ANGEL2: variants seen among roughly 807,000 people sequenced by gnomAD.
ANGEL2 encodes the protein RNA 2',3'-cyclic phosphatase ANGEL2.
ANGEL2 carries 41 observed loss-of-function variants against 66.0 expected under a neutral mutation model. That is an observed-to-expected ratio of 0.62 (90% CI 0.48 to 0.81). The LOEUF is 0.81. ANGEL2 is among the 30% of genes least tolerant of loss of function. The pLI, the probability that ANGEL2 is intolerant of heterozygous loss-of-function variation, is 0.00. For synonymous variants in ANGEL2, 208 were observed against 226.5 expected (o/e 0.92, Z 0.73); for missense variants, 561 against 641.6 (o/e 0.87, Z 1.36).
intron 1 of ANGEL2, chr1:213,015,357 C>A: frequency 2.9e-6 from 4 of 1,402,842 alleles, no homozygotes; most frequent in Non-Finnish European, 3.7e-6. Flanking sequence ...CTGGCACAAG[C>A]CTGGCCGGCG....
At chr1:213,012,120 G>T (rs974599777) in intron 2 of ANGEL2, among the ~76,000 whole-genome samples, 3 of 152,146 alleles carry the variant, frequency 2.0e-5, no homozygotes, top group African/African-American at 2.4e-5. Context: ...TAGCAAAGTT[G>T]ATTGGGACCC....
Position 213,010,343 on chromosome 1 carries a change from G to A in ANGEL2, c.386-1877C>T, listed in dbSNP as rs142709792. Among the ~76,000 whole-genome samples, 1,349 of 151,598 alleles carry A rather than the reference G, an allele frequency of 8.9e-3. 46 individuals are homozygous for A. The highest frequency in any genetic ancestry group is 0.072 in the East Asian group (372 of 5,160). On this transcript the variant is annotated intron_variant, in intron 2 of 8. Transcript: ENST00000366962. ...TCCCAGCACTTTGGGAGGCCAAGGC[G>A]GGTGGATCACAAGGTCAGGAGACCA...
At position 212,992,699 on chromosome 1, in the gene ANGEL2, T is replaced by C. The variant is rs186991861; in HGVS notation, c.*2342A>G. On this transcript the variant is annotated 3_prime_UTR_variant, in exon 9 of 9. Transcript: ENST00000366962. ...ATTAACTCTATCAAAGTGAAGCACATGAAAAATGGGCCTAAAGTCACAATA... is the reference window on the plus strand; with the variant it reads ...ATTAACTCTATCAAAGTGAAGCACACGAAAAATGGGCCTAAAGTCACAATA... 83 of 152,284 alleles carry C rather than the reference T, an allele frequency of 5.5e-4. No individual in the cohort carries two copies. Among genetic ancestry groups the C allele is most frequent in the African/African-American group, 1.9e-3 (81 of 41,548 alleles). The allele number at this position is 152,284 out of a possible 1,614,324, so 9.4% of individuals were successfully genotyped here. A position where few individuals can be genotyped will look rare whatever the true frequency, so the allele number is the denominator to read the frequency against.
At position 212,993,482 on chromosome 1, in the gene ANGEL2, A is replaced by C. The variant is rs2075914797; in HGVS notation, c.*1559T>G. 6.6e-6 allele frequency: 1 copy of C among 152,206 alleles called. No individual in the cohort carries two copies. Among genetic ancestry groups the C allele is most frequent in the Non-Finnish European group, 1.5e-5 (1 of 68,052 alleles). The allele number at this position is 152,206 out of a possible 1,614,324, so 9.4% of individuals were successfully genotyped here. A position where few individuals can be genotyped will look rare whatever the true frequency, so the allele number is the denominator to read the frequency against. ...CTTTAGTACAAAGACTTAGTCCAAG[A>C]CTATTATTGTTTTCCAATTTAAGGT... On this transcript the variant is annotated 3_prime_UTR_variant, in exon 9 of 9. Transcript: ENST00000366962.
At chr1:213,014,305 T>C (rs1256444703) in intron 1 of ANGEL2, among the ~76,000 whole-genome samples, 1 of 152,258 alleles carries the variant, frequency 6.6e-6, no homozygotes, top group Non-Finnish European at 1.5e-5. Flanking sequence ...ACAGCATCAA[T>C]AATGTGCGCT....
chr1:213,010,407 T>TA (rs1327317627), intron 2 of ANGEL2, among the ~76,000 whole-genome samples: 1 of 150,590 alleles, frequency 6.6e-6, no homozygotes. Context: ...CCGTCTCTAC[T>TA]AAAAAATACA....
At chr1:213,002,866 C>T (rs569738389) in intron 5 of ANGEL2, among the ~76,000 whole-genome samples, 4 of 150,218 alleles carry the variant, frequency 2.7e-5, no homozygotes, top group Admixed American at 2.7e-4. Context: ...AGCAGTGAAC[C>T]GAGATCGTGT....
Position 213,015,822 on chromosome 1 carries a change from C to T in ANGEL2, c.-151G>A, listed in dbSNP as rs1224088062. 3.0e-6 allele frequency: 3 copies of T among 988,164 alleles called. No individual in the cohort carries two copies. Among genetic ancestry groups the T allele is most frequent in the Non-Finnish European group, 4.5e-6 (3 of 666,406 alleles). The allele number at this position is 988,164 out of a possible 1,614,324, so 61.2% of individuals were successfully genotyped here. A position where few individuals can be genotyped will look rare whatever the true frequency, so the allele number is the denominator to read the frequency against. ...CAAGGCATGCTGGGAGGTGCAGTCT[C>T]GCCGGCCGGCCTACACTCCATCTTG... is the stretch of plus-strand genomic sequence containing the variant. On this transcript the variant is annotated 5_prime_UTR_variant, in exon 1 of 9. Transcript: ENST00000366962.
chr1:213,007,361 T>C (rs1242441246), intron 3 of ANGEL2, among the ~76,000 whole-genome samples, 163 bp from the exon 4 acceptor site: 2 of 152,194 alleles, frequency 1.3e-5, no homozygotes, highest in Admixed American at 6.5e-5. Flanking sequence ...TCTACCAAAT[T>C]AATGTTTCCG....
chr1:213,000,189 A>G, intron 7 of ANGEL2, 137 bp downstream of exon 7: 4 of 718,832 alleles, frequency 5.6e-6, no homozygotes, highest in Non-Finnish European at 9.4e-6. Flanking sequence ...ACTCAGGCCT[A>G]TCTGACTTAA....
intron 1 of ANGEL2, 35 bp downstream of exon 1, chr1:213,015,578 C>G: frequency 6.2e-7 from 1 of 1,610,950 alleles, no homozygotes; most frequent in Non-Finnish European, 8.5e-7. Flanking sequence ...CCGCCCGCCC[C>G]TCTCTCCTCC....
chr1:213,014,423 TTAAG>T (rs1210345052), intron 1 of ANGEL2, among the ~76,000 whole-genome samples: 4 of 152,352 alleles, frequency 2.6e-5, no homozygotes, highest in South Asian at 4.1e-4. Flanking sequence ...TTTTTACAGT[TTAAG>T]TATTCGCTAG....
rs1386657439 is a variant in ANGEL2 at position 213,015,314 on chromosome 1, G to A, written c.59+299C>T. ...CAGGCCAGCGCTGGTCTGGAGGCTG[G>A]GTTGGGGGAAGCAGGCCAGGGATCC... On this transcript the variant is annotated intron_variant, in intron 1 of 8. Transcript: ENST00000366962. 3 of 1,330,612 alleles carry A rather than the reference G, an allele frequency of 2.3e-6. No individual in the cohort carries two copies. The South Asian group carries it at 5.2e-5, about 23-fold the overall frequency. 82.4% of individuals were successfully genotyped at this position (1,330,612 alleles called of 1,614,324 possible). A position where few individuals can be genotyped will look rare whatever the true frequency, so the allele number is the denominator to read the frequency against.
intron 7 of ANGEL2, among the ~76,000 whole-genome samples, chr1:212,999,763 C>T (rs2076129407): frequency 6.6e-6 from 1 of 152,214 alleles, no homozygotes; most frequent in African/African-American, 2.4e-5. Flanking sequence ...ATTCCAGCAT[C>T]TTCACCCCTC....
chr1:213,002,994 C>T (rs1030386396), intron 5 of ANGEL2, among the ~76,000 whole-genome samples: 7 of 152,032 alleles, frequency 4.6e-5, no homozygotes, highest in Non-Finnish European at 1.5e-5. Flanking sequence ...TCTGGATAAC[C>T]TACTGCAGCT....
intron 2 of ANGEL2, 133 bp downstream of exon 2, chr1:213,012,960 C>CA (rs548688186): frequency 6.6e-5 from 54 of 823,788 alleles, no homozygotes; most frequent in East Asian, 6.0e-4. Flanking sequence ...TTTTTTCTAA[C>CA]ATAAAACTAC....
chr1:213,013,474 C>T (rs2076560690), intron 1 of ANGEL2, 56 bp from the exon 2 acceptor site: 1 of 1,469,680 alleles, frequency 6.8e-7, no homozygotes, highest in Non-Finnish European at 9.3e-7. Flanking sequence ...CTATAGTTTA[C>T]AAAATCTAAG....
At chr1:213,009,332 C>T (rs2076434680) in intron 2 of ANGEL2, among the ~76,000 whole-genome samples, 1 of 152,116 alleles carries the variant, frequency 6.6e-6, no homozygotes, top group Non-Finnish European at 1.5e-5. Context: ...AAAGAGCATG[C>T]TCTTACTGCC....
intron 7 of ANGEL2, among the ~76,000 whole-genome samples, chr1:212,998,133 G>C (rs1459890176): frequency 3.3e-5 from 5 of 151,722 alleles, no homozygotes; most frequent in African/African-American, 1.2e-4. Context: ...GCTCACACCT[G>C]TAATCCCAGC....
Sources: allele counts gnomAD v4.1 joint callset (sites outside exome capture counted in the v4.1 genomes callset), GRCh38; gene constraint gnomAD v4.1.1; transcripts MANE v1.5; gene names NCBI Gene and HGNC (gene_info 2026-07-23, HGNC 2026-07-21).